MORC3: variants seen among roughly 807,000 people sequenced by gnomAD.
MORC3 encodes the protein MORC family CW-type zinc finger protein 3.
In MORC3, 31 loss-of-function variants were observed where a neutral mutation model predicts 109.1. The ratio of observed to expected loss-of-function variants is 0.28; its 90% CI spans 0.21 to 0.38. MORC3 has a LOEUF of 0.38. Among genes scored for constraint, MORC3 ranks in the 10% least tolerant of loss-of-function variants. The probability of loss-of-function intolerance (pLI) is 1.00; values close to 1 mark genes in which losing one functional copy is unlikely to be tolerated. For missense variants in MORC3, 867 were observed against 1,135.8 expected, an observed-to-expected ratio of 0.76 and a Z score of 3.40; for synonymous variants, 395 against 380.7, an observed-to-expected ratio of 1.04 and a Z score of -0.44.
chr21:36,350,000 T>C (rs892575972), intron 9 of MORC3, among the ~76,000 whole-genome samples: 2 of 152,112 alleles, frequency 1.3e-5, no homozygotes, highest in African/African-American at 4.8e-5. Context: ...AATAAATTGG[T>C]AACTGAATGA....
chr21:36,362,291 C>T (rs1982073293), intron 13 of MORC3, 63 bp downstream of exon 13: 2 of 1,533,238 alleles, frequency 1.3e-6, no homozygotes, highest in South Asian at 1.2e-5. Context: ...ACCCGTAATC[C>T]CAGCATTTTG....
At chr21:36,360,709 G>T in intron 12 of MORC3, 1 of 179,436 alleles carries the variant, frequency 5.6e-6, no homozygotes, top group South Asian at 1.2e-4. Context: ...CTTCATGAAG[G>T]AGGTCATTTT....
At chr21:36,339,514 AAAAAAAGAAAAAAG>A (rs1209510872) in intron 5 of MORC3, 1 of 146,540 alleles carries the variant, frequency 6.8e-6, no homozygotes, top group Non-Finnish European at 1.5e-5. Flanking sequence ...AAAAAAAAAA[AAAAAAAGAAAAAAG>A]AAAAAAAGCA....
chr21:36,356,795 T>TACA, intron 10 of MORC3, 71 bp downstream of exon 10: 1 of 939,664 alleles, frequency 1.1e-6, no homozygotes, highest in Non-Finnish European at 1.6e-6. Context: ...AAAGGGATTG[T>TACA]ACAATGTTTC....
intron 14 of MORC3, 148 bp from the exon 15 acceptor site, chr21:36,368,840 G>A (rs1383435381): frequency 1.4e-6 from 1 of 696,766 alleles, no homozygotes; most frequent in South Asian, 2.0e-5. Context: ...CTGTGCCATT[G>A]CACTCTAGCC....
At chr21:36,344,814 C>T (rs2085489935) in intron 7 of MORC3, 98 bp from the exon 8 acceptor site, 1 of 1,594,020 alleles carries the variant, frequency 6.3e-7, no homozygotes, top group Non-Finnish European at 8.6e-7. Flanking sequence ...TAGCTTTGCC[C>T]TCCTTTGTGT....
At chr21:36,364,395 TC>T in intron 14 of MORC3, 136 bp downstream of exon 14, 1 of 981,014 alleles carries the variant, frequency 1.0e-6, no homozygotes, top group Non-Finnish European at 1.5e-6. Flanking sequence ...GTGAAAATCT[TC>T]AGGACAAATT....
chr21:36,352,860 C>T (rs911264683), intron 9 of MORC3, among the ~76,000 whole-genome samples: 1 of 151,806 alleles, frequency 6.6e-6, no homozygotes, highest in Admixed American at 6.6e-5. Flanking sequence ...GTCCCAGCTA[C>T]TCAGGATGCT....
intron 1 of MORC3, 112 bp downstream of exon 1, chr21:36,320,415 G>A: frequency 2.8e-6 from 3 of 1,084,528 alleles, no homozygotes; most frequent in Non-Finnish European, 3.5e-6. Flanking sequence ...GGCGGCGGGG[G>A]CTGCGGCGGG....
At chr21:36,320,527 G>C in intron 1 of MORC3, 1 of 380,730 alleles carries the variant, frequency 2.6e-6, no homozygotes, top group Non-Finnish European at 4.4e-6. Flanking sequence ...GTTTTGCTTC[G>C]GGGCGGGCCA....
At chr21:36,321,204 T>TC (rs1422177628) in intron 1 of MORC3, among the ~76,000 whole-genome samples, 1 of 152,214 alleles carries the variant, frequency 6.6e-6, no homozygotes, top group African/African-American at 2.4e-5. Flanking sequence ...TCTGGGACTT[T>TC]CATTCGTTTA....
chr21:36,375,345 C>G lies in MORC3; in HGVS notation c.*49C>G, dbSNP rs752809855. The G allele has an allele frequency of 1.3e-6, 2 of 1,498,708 alleles. No homozygotes were observed. Among genetic ancestry groups the G allele is most frequent in the Non-Finnish European group, 1.8e-6 (2 of 1,100,226 alleles). The allele number at this position is 1,498,708 out of a possible 1,614,324, so 92.8% of individuals were successfully genotyped here. The stretch of plus-strand genomic sequence containing the variant: ...TATTTGCTCAATTCTTTTGGTTGTA[C>G]AGCTTTCAAAATATAATTAATTTTG... On this transcript the variant is annotated 3_prime_UTR_variant, in exon 17 of 17. Coordinates refer to ENST00000400485, the MANE Select transcript of MORC3 (RefSeq NM_015358.3).
At chr21:36,368,139 A>T (rs1449755535) in intron 14 of MORC3, among the ~76,000 whole-genome samples, 1 of 152,222 alleles carries the variant, frequency 6.6e-6, no homozygotes, top group East Asian at 1.9e-4. Context: ...AATGGTGATA[A>T]ATAAATGTGA....
At position 36,340,147 on chromosome 21, in the gene MORC3, G is replaced by A. The variant is rs1412214995; in HGVS notation, c.608+1226G>A. On this transcript the variant is annotated intron_variant, in intron 5 of 16. Coordinates refer to ENST00000400485, the MANE Select transcript of MORC3 (RefSeq NM_015358.3). ...CAAAAAATTAGCTGGGCGCGGTGGC[G>A]GGCGCCTGTAGTCCCAGCTACTAAG... is the stretch of plus-strand genomic sequence containing the variant. Among the ~76,000 whole-genome samples the A allele has an allele frequency of 2.0e-5, 3 of 152,012 alleles. No individual in the cohort carries two copies. In the South Asian group the frequency reaches 6.2e-4, roughly 32 times the overall value.
intron 12 of MORC3, chr21:36,361,540 CAAAAAAAAAAAAAAAA>C (rs35441762): frequency 2.4e-5 from 1 of 41,752 alleles, no homozygotes; most frequent in Admixed American, 4.2e-4. Flanking sequence ...GACTCTGTCT[CAAAAAAAAAAAAAAAA>C]AAAAAAAAAA....
chr21:36,359,617 A>T (rs116655222), intron 10 of MORC3, among the ~76,000 whole-genome samples: 3,655 of 125,648 alleles, frequency 0.029, 157 homozygotes, highest in African/African-American at 0.1. Flanking sequence ...GCTGGAGGTC[A>T]GTAGCATGAT....
chr21:36,351,016 A>AAT (rs1390044006), intron 9 of MORC3, among the ~76,000 whole-genome samples: 1 of 150,742 alleles, frequency 6.6e-6, no homozygotes, highest in East Asian at 1.9e-4. Flanking sequence ...GTTACTTTGA[A>AAT]ATATATATAT....
intron 1 of MORC3, chr21:36,320,531 C>T (rs11908718): frequency 1.5e-4 from 54 of 370,608 alleles, no homozygotes; most frequent in Non-Finnish European, 2.4e-4. Context: ...TGCTTCGGGG[C>T]GGGCCAGGGT....
At chr21:36,338,560 G>A (rs527367374) in intron 4 of MORC3, among the ~76,000 whole-genome samples, 1 of 151,858 alleles carries the variant, frequency 6.6e-6, no homozygotes, top group South Asian at 2.1e-4. Flanking sequence ...CGTGGTGGTG[G>A]GTGCCTGTGG....
Sources: allele counts gnomAD v4.1 joint callset (sites outside exome capture counted in the v4.1 genomes callset), GRCh38; gene constraint gnomAD v4.1.1; transcripts MANE v1.5; gene names NCBI Gene and HGNC (gene_info 2026-07-23, HGNC 2026-07-21).